RAP1B: variants seen among roughly 807,000 people sequenced by gnomAD.
RAP1B encodes ras-related protein Rap-1b.
In RAP1B, 1 loss-of-function variant was observed where a neutral mutation model predicts 27.5. The observed-to-expected ratio is 0.04, with a 90% CI of 0.01 to 0.17. The LOEUF is 0.17. Among genes scored for constraint, RAP1B ranks in the 10% least tolerant of loss-of-function variants. The pLI, the probability that RAP1B is intolerant of heterozygous loss-of-function variation, is 1.00. For synonymous variants in RAP1B, 75 were observed against 73.1 expected, an observed-to-expected ratio of 1.03 and a Z score of -0.13; for missense variants, 84 against 214.8, an observed-to-expected ratio of 0.39 and a Z score of 3.81.
At chr12:68,627,123 G>C in intron 1 of RAP1B, 2 of 1,585,602 alleles carry the variant, frequency 1.3e-6, no homozygotes, top group South Asian at 2.2e-5. Flanking sequence ...AACTTGGCCA[G>C]TGTGAACCCT....
Position 68,650,390 on chromosome 12 carries a change from T to C in RAP1B, c.58-10T>C. 1 of 1,540,000 alleles carries C rather than the reference T, an allele frequency of 6.5e-7. No individual in the cohort carries two copies. Among genetic ancestry groups the C allele is most frequent in the Non-Finnish European group, 8.8e-7 (1 of 1,141,246 alleles). On this transcript the variant is annotated splice_polypyrimidine_tract_variant and intron_variant, in intron 2 of 7. Transcript: ENST00000250559. ...TTAGAAGTATAATGGTTTCTTAATT[T>C]TTTTTTCAGACTGTACAATTTGTTC...
chr12:68,642,143 GTAC>G (rs1397718698), intron 1 of RAP1B, among the ~76,000 whole-genome samples: 1 of 152,178 alleles, frequency 6.6e-6, no homozygotes, highest in Non-Finnish European at 1.5e-5. Context: ...GAATACAAAT[GTAC>G]TACATTTGCA....
chr12:68,626,274 A>G (rs1429458809), intron 1 of RAP1B, among the ~76,000 whole-genome samples: 1 of 152,134 alleles, frequency 6.6e-6, no homozygotes, highest in African/African-American at 2.4e-5. Flanking sequence ...ACTAACACTA[A>G]AGTTCCTCAC....
At chr12:68,613,627 A>G (rs1181349656) in intron 1 of RAP1B, among the ~76,000 whole-genome samples, 1 of 152,200 alleles carries the variant, frequency 6.6e-6, no homozygotes, top group Non-Finnish European at 1.5e-5. Context: ...TAGACATTCA[A>G]CACCAGTTAA....
chr12:68,668,649 C>A lies in RAP1B; in HGVS notation c.*9400C>A, dbSNP rs1217111428. 2 of 152,182 alleles carry A rather than the reference C, an allele frequency of 1.3e-5. No homozygotes were observed. Among genetic ancestry groups the A allele is most frequent in the African/African-American group, 4.8e-5 (2 of 41,458 alleles). 9.4% of individuals were successfully genotyped at this position (152,182 alleles called of 1,614,324 possible). On this transcript the variant is annotated 3_prime_UTR_variant, in exon 8 of 8. Coordinates refer to ENST00000250559, the MANE Select transcript of RAP1B (RefSeq NM_001010942.3). ...CCCTGCACAGACTTTCTTGGCTCTT[C>A]TTTTCTGCCGTCCTATGAATCACAA...
In RAP1B at chr12:68,656,523, C is replaced by T; in HGVS notation, c.468+74C>T. 5 of 1,471,224 alleles carry T rather than the reference C, an allele frequency of 3.4e-6. No individual in the cohort carries two copies. In the Middle Eastern group the frequency reaches 6.9e-4, roughly 204 times the overall value. The allele number at this position is 1,471,224 out of a possible 1,614,324, so 91.1% of individuals were successfully genotyped here. A position where few individuals can be genotyped will look rare whatever the true frequency, so the allele number is the denominator to read the frequency against. ...GAAGATGAATGGAAAATGTCTTAAC[C>T]CCAAGTTAATATGTACTCAGGGTAA... On this transcript the variant is annotated intron_variant, in intron 6 of 7. Transcript: ENST00000250559.
intron 6 of RAP1B, 72 bp downstream of exon 6, chr12:68,656,521 ACC>A: frequency 6.8e-7 from 1 of 1,475,872 alleles, no homozygotes; most frequent in Non-Finnish European, 9.5e-7. Flanking sequence ...AAATGTCTTA[ACC>A]CCAAGTTAAT....
At chr12:68,655,188 C>T (rs911749800) in intron 5 of RAP1B, among the ~76,000 whole-genome samples, 23 of 151,980 alleles carry the variant, frequency 1.5e-4, no homozygotes, top group Non-Finnish European at 2.1e-4. Flanking sequence ...CATGGTGGCG[C>T]GTGCCTGTGG....
chr12:68,664,025 G>A lies in RAP1B; in HGVS notation c.*4776G>A, dbSNP rs535756484. On this transcript the variant is annotated 3_prime_UTR_variant, in exon 8 of 8. Transcript: ENST00000250559. ...TCTCATTTCTCCAAAAGGGTACGAAGACAGTTTTTACTATGTTGTTTTACT... is the reference window on the plus strand; with the variant it reads ...TCTCATTTCTCCAAAAGGGTACGAAAACAGTTTTTACTATGTTGTTTTACT... 2 of 152,222 alleles carry A rather than the reference G, an allele frequency of 1.3e-5. No individual in the cohort carries two copies. Among genetic ancestry groups the A allele is most frequent in the African/African-American group, 4.8e-5 (2 of 41,544 alleles). 9.4% of individuals were successfully genotyped at this position (152,222 alleles called of 1,614,324 possible).
At position 68,654,354 on chromosome 12, in the gene RAP1B, G is replaced by GGT. The variant is rs1555173466; in HGVS notation, c.324+103_324+104insTG. The GGT allele has an allele frequency of 3.0e-5, 14 of 468,782 alleles. No individual in the cohort carries two copies. In the South Asian group the frequency reaches 4.4e-4, roughly 15 times the overall value. The allele number at this position is 468,782 out of a possible 1,614,324, so 29.0% of individuals were successfully genotyped here. A position where few individuals can be genotyped will look rare whatever the true frequency, so the allele number is the denominator to read the frequency against. ...TTTAAAGCTTGTGTATTTTGGTTGGGGGGGGGGTGTTGGTTTTTTTAAACT... is the reference window on the plus strand; with the variant it reads ...TTTAAAGCTTGTGTATTTTGGTTGGGGTGGGGGGGTGTTGGTTTTTTTAAACT... On this transcript the variant is annotated intron_variant, in intron 5 of 7. Transcript: ENST00000250559.
chr12:68,612,508 C>G (rs1870677967), intron 1 of RAP1B, among the ~76,000 whole-genome samples: 2 of 152,170 alleles, frequency 1.3e-5, no homozygotes, highest in South Asian at 4.1e-4. Context: ...GATAAGATAA[C>G]CAGTTAGTGG....
In RAP1B at chr12:68,661,522, C is replaced by G. The variant is rs1874593472; in HGVS notation, c.*2273C>G. The G allele has an allele frequency of 6.6e-6, 1 of 151,968 alleles. No homozygotes were observed. Among genetic ancestry groups the G allele is most frequent in the African/African-American group, 2.4e-5 (1 of 41,364 alleles). The allele number at this position is 151,968 out of a possible 1,614,324, so 9.4% of individuals were successfully genotyped here. A position where few individuals can be genotyped will look rare whatever the true frequency, so the allele number is the denominator to read the frequency against. On this transcript the variant is annotated 3_prime_UTR_variant, in exon 8 of 8. Transcript: ENST00000250559. ...ATGCTGCCCTCCTAGAATTTATATTCTATTGAAGAGTTTCTCAGCCTCAGC... is the reference window on the plus strand; with the variant it reads ...ATGCTGCCCTCCTAGAATTTATATTGTATTGAAGAGTTTCTCAGCCTCAGC...
intron 1 of RAP1B, chr12:68,627,334 C>T (rs1592431673): frequency 1.3e-6 from 1 of 749,058 alleles, no homozygotes; most frequent in East Asian, 2.5e-5. Flanking sequence ...ACACTGGGCC[C>T]CCCCATGAGG....
rs1236041264 is a variant in RAP1B, at chr12:68,668,345, A to G, written c.*9096A>G. 1 of 150,636 alleles carries G rather than the reference A, an allele frequency of 6.6e-6. No homozygotes were observed. Among genetic ancestry groups the G allele is most frequent in the African/African-American group, 2.5e-5 (1 of 40,814 alleles). The allele number at this position is 150,636 out of a possible 1,614,324, so 9.3% of individuals were successfully genotyped here. A position where few individuals can be genotyped will look rare whatever the true frequency, so the allele number is the denominator to read the frequency against. On this transcript the variant is annotated 3_prime_UTR_variant, in exon 8 of 8. Transcript: ENST00000250559. The stretch of plus-strand genomic sequence containing the variant: ...GTGTTGATCTCCCTAAGACTATTAT[A>G]ATAAGGAAGGGGTTTTTTTCTTAGC...
intron 1 of RAP1B, among the ~76,000 whole-genome samples, chr12:68,636,603 T>C (rs149271305): frequency 5.3e-5 from 8 of 152,226 alleles, no homozygotes; most frequent in African/African-American, 1.9e-4. Context: ...ACTTTATAAA[T>C]TTTTTGTAGA....
chr12:68,658,650 C>A (rs1360397076), intron 7 of RAP1B, among the ~76,000 whole-genome samples: 1 of 151,610 alleles, frequency 6.6e-6, no homozygotes, highest in African/African-American at 2.4e-5. Flanking sequence ...GTAATACCAC[C>A]TTTTTCTGAC....
chr12:68,624,176 C>T (rs775031479), intron 1 of RAP1B, among the ~76,000 whole-genome samples: 23 of 152,104 alleles, frequency 1.5e-4, no homozygotes, highest in Admixed American at 3.9e-4. Context: ...ATTGTTTGAC[C>T]CTGACTCAGG....
chr12:68,616,582 C>T (rs912761607), intron 1 of RAP1B, among the ~76,000 whole-genome samples: 1 of 151,738 alleles, frequency 6.6e-6, no homozygotes, highest in East Asian at 1.9e-4. Flanking sequence ...TACAGGCGCA[C>T]ACCACCGCAC....
At chr12:68,618,254 T>A (rs1871161702) in intron 1 of RAP1B, among the ~76,000 whole-genome samples, 1 of 151,558 alleles carries the variant, frequency 6.6e-6, no homozygotes, top group Non-Finnish European at 1.5e-5. Flanking sequence ...GCCTGGCTAA[T>A]TTTTTTTGTA....
Sources: gnomAD v4.1 joint callset for allele counts (sites outside exome capture counted in the v4.1 genomes callset) on GRCh38, gnomAD v4.1.1 for gene constraint, MANE v1.5 for transcripts, NCBI Gene and HGNC (gene_info 2026-07-23, HGNC 2026-07-21) for gene names.